Variants in SPOCK1 observed in about 807,000 individuals in gnomAD.
SPOCK1 encodes the protein SPARC (osteonectin), cwcv and kazal like domains proteoglycan 1, also known as testican-1.
Under a neutral mutation model 55.3 loss-of-function variants are expected in SPOCK1, and 23 were observed. The ratio of observed to expected loss-of-function variants is 0.42; its 90% CI spans 0.30 to 0.59. The LOEUF is 0.59. SPOCK1 is among the 20% of genes least tolerant of loss of function. SPOCK1 has a pLI of 0.22. For synonymous variants in SPOCK1, 226 were observed against 221.0 expected (o/e 1.02, Z -0.20); for missense variants, 499 against 552.5 (o/e 0.90, Z 0.97).
chr5:137,114,840 T>G (rs1208337588), intron 4 of SPOCK1, among the ~76,000 whole-genome samples: 2 of 152,250 alleles, frequency 1.3e-5, no homozygotes, highest in African/African-American at 4.8e-5. Context: ...GCTGAAGCAA[T>G]TCTTGTTATG....
At chr5:137,413,255 C>G (rs1200705378) in intron 2 of SPOCK1, among the ~76,000 whole-genome samples, 1 of 152,054 alleles carries the variant, frequency 6.6e-6, no homozygotes, top group African/African-American at 2.4e-5. Context: ...CAGAATTATA[C>G]TGCATTTAAA....
At position 137,226,673 on chromosome 5, in the gene SPOCK1, T is replaced by TAGGCTC. The variant is rs573201273; in HGVS notation, c.232+40331_232+40336dup. On this transcript the variant is annotated intron_variant, in intron 3 of 10. Coordinates refer to ENST00000394945, the MANE Select transcript of SPOCK1 (RefSeq NM_004598.4). ...CTACACCCTAGGGAACCCCTACCCG[T>TAGGCTC]AGGCTCAGGACTTGCCCATCTCTGG... Among the ~76,000 whole-genome samples, 175 of 152,350 alleles carry TAGGCTC rather than the reference T, an allele frequency of 1.1e-3. 1 individual carries two copies. Among genetic ancestry groups the TAGGCTC allele is most frequent in the African/African-American group, 3.7e-3 (153 of 41,586 alleles).
At chr5:137,140,357 G>A (rs1017128231) in intron 4 of SPOCK1, among the ~76,000 whole-genome samples, 9 of 152,198 alleles carry the variant, frequency 5.9e-5, no homozygotes, top group African/African-American at 2.2e-4. Flanking sequence ...GAGTCAAAAT[G>A]AAGTAGATTT....
At position 136,975,657 on chromosome 5, in the gene SPOCK1, T is replaced by C. The variant is rs1156907925; in HGVS notation, c.*2997A>G. 3 of 152,252 alleles carry C rather than the reference T, an allele frequency of 2.0e-5. No homozygotes were observed. Among genetic ancestry groups the C allele is most frequent in the Non-Finnish European group, 2.9e-5 (2 of 68,078 alleles). The allele number at this position is 152,252 out of a possible 1,614,324, so 9.4% of individuals were successfully genotyped here. A position where few individuals can be genotyped will look rare whatever the true frequency, so the allele number is the denominator to read the frequency against. ...GAAGAAAAAAATGTGAGTGGCATCC[T>C]GGGATGAGCAGGGGGACAGACCTGG... On this transcript the variant is annotated 3_prime_UTR_variant, in exon 11 of 11. Coordinates refer to ENST00000394945, the MANE Select transcript of SPOCK1 (RefSeq NM_004598.4).
At chr5:137,494,276 G>C (rs1383108944) in intron 2 of SPOCK1, among the ~76,000 whole-genome samples, 4 of 152,114 alleles carry the variant, frequency 2.6e-5, no homozygotes, top group African/African-American at 2.4e-5. Flanking sequence ...CTTAACCTAA[G>C]GCTGTTCACG....
At chr5:137,468,870 C>T (rs1753675411) in intron 2 of SPOCK1, among the ~76,000 whole-genome samples, 1 of 148,982 alleles carries the variant, frequency 6.7e-6, no homozygotes, top group Non-Finnish European at 1.5e-5. Flanking sequence ...AGGGCCGTTC[C>T]CCCCAACTCA....
At chr5:137,074,894 G>A (rs11739094) in intron 5 of SPOCK1, among the ~76,000 whole-genome samples, 64,866 of 151,894 alleles carry the variant, frequency 0.43, 16,739 homozygotes, top group Non-Finnish European at 0.57. Context: ...TAGTAGAGAC[G>A]GGGTTTCACC....
chr5:137,268,846 C>G (rs1185556152), intron 2 of SPOCK1, among the ~76,000 whole-genome samples: 1 of 152,210 alleles, frequency 6.6e-6, no homozygotes, highest in Non-Finnish European at 1.5e-5. Context: ...CTTGAACATG[C>G]TGTTCTAATA....
chr5:137,008,072 A>G (rs1751283879), intron 6 of SPOCK1, among the ~76,000 whole-genome samples: 1 of 150,774 alleles, frequency 6.6e-6, no homozygotes, highest in Non-Finnish European at 1.5e-5. Flanking sequence ...TCTCACTCAT[A>G]AGTGGGAGTT....
chr5:137,462,078 G>C (rs565327407), intron 2 of SPOCK1, among the ~76,000 whole-genome samples: 3 of 152,204 alleles, frequency 2.0e-5, no homozygotes. Flanking sequence ...GCCTGCACCT[G>C]CTGGCAGTTA....
chr5:137,171,869 T>C (rs1227177778), intron 3 of SPOCK1, among the ~76,000 whole-genome samples: 1 of 152,182 alleles, frequency 6.6e-6, no homozygotes, highest in East Asian at 1.9e-4. Context: ...ACATATGTTA[T>C]ATGTGTGCCT....
intron 2 of SPOCK1, among the ~76,000 whole-genome samples, chr5:137,335,672 A>C (rs934696895): frequency 6.6e-6 from 1 of 151,976 alleles, no homozygotes; most frequent in Non-Finnish European, 1.5e-5. Context: ...AAGTAAGCAC[A>C]CCTCCCTCCC....
intron 2 of SPOCK1, among the ~76,000 whole-genome samples, chr5:137,300,522 G>A (rs1757569765): frequency 6.6e-6 from 1 of 152,022 alleles, no homozygotes; most frequent in African/African-American, 2.4e-5. Flanking sequence ...GTTCCAATAG[G>A]CAGTTAATGT....
chr5:137,142,367 G>A (rs562303914), intron 3 of SPOCK1, among the ~76,000 whole-genome samples: 12 of 152,264 alleles, frequency 7.9e-5, no homozygotes, highest in African/African-American at 2.4e-4. Context: ...TGCCTGCTGC[G>A]AATTTCTCAA....
At chr5:137,040,442 T>C (rs1427910315) in intron 6 of SPOCK1, among the ~76,000 whole-genome samples, 1 of 152,114 alleles carries the variant, frequency 6.6e-6, no homozygotes, top group East Asian at 1.9e-4. Context: ...TCCAAACATA[T>C]CTGGGAGCAA....
chr5:137,124,729 G>A (rs1016563578), intron 4 of SPOCK1, among the ~76,000 whole-genome samples: 3 of 152,180 alleles, frequency 2.0e-5, no homozygotes, highest in Non-Finnish European at 4.4e-5. Context: ...AGGTCTGAGA[G>A]ACTCCTGGGG....
chr5:137,323,841 G>A (rs1704237418), intron 2 of SPOCK1, among the ~76,000 whole-genome samples: 1 of 152,158 alleles, frequency 6.6e-6, no homozygotes. Flanking sequence ...GTCGGCAAGG[G>A]TGTGGGGCAA....
At chr5:137,309,552 A>G (rs17171352) in intron 2 of SPOCK1, among the ~76,000 whole-genome samples, 1 of 152,188 alleles carries the variant, frequency 6.6e-6, no homozygotes, top group African/African-American at 2.4e-5. Flanking sequence ...GACATGCACT[A>G]AACACATCCT....
intron 10 of SPOCK1, 22 bp downstream of exon 10, chr5:136,979,310 T>C (rs1248084647): frequency 6.2e-7 from 1 of 1,613,602 alleles, no homozygotes; most frequent in Non-Finnish European, 8.5e-7. Flanking sequence ...ATTGTGGGGC[T>C]CATGCAGGAG....
Sources: allele counts gnomAD v4.1 joint callset (sites outside exome capture counted in the v4.1 genomes callset), GRCh38; gene constraint gnomAD v4.1.1; transcripts MANE v1.5; gene names NCBI Gene and HGNC (gene_info 2026-07-23, HGNC 2026-07-21).